Variants in HIRA observed in about 807,000 individuals in gnomAD.
HIRA encodes protein HIRA.
HIRA carries 13 observed loss-of-function variants against 126.6 expected under a neutral mutation model. That is an observed-to-expected ratio of 0.10 (90% CI 0.07 to 0.16). HIRA has a LOEUF of 0.16. Among genes scored for constraint, HIRA ranks in the 10% least tolerant of loss-of-function variants. HIRA has a pLI of 1.00. For missense variants in HIRA, 834 were observed against 1,314.4 expected, an observed-to-expected ratio of 0.63 and a Z score of 5.65; for synonymous variants, 511 against 520.0, an observed-to-expected ratio of 0.98 and a Z score of 0.24.
intron 24 of HIRA, among the ~76,000 whole-genome samples, chr22:19,348,922 A>G (rs113339976): frequency 0.01 from 1,521 of 151,566 alleles, 38 homozygotes; most frequent in African/African-American, 0.035. Context: ...AGTAGCTGGG[A>G]TTACAGGCAC....
chr22:19,371,385 G>A (rs2088963133), intron 15 of HIRA, among the ~76,000 whole-genome samples: 2 of 151,882 alleles, frequency 1.3e-5, no homozygotes, highest in Admixed American at 1.3e-4. Context: ...AAACTGCAAT[G>A]ATTATTATTT....
intron 9 of HIRA, among the ~76,000 whole-genome samples, chr22:19,390,996 A>G (rs1387202421): frequency 1.3e-5 from 2 of 151,758 alleles, no homozygotes; most frequent in African/African-American, 4.9e-5. Context: ...ACTCATAGGT[A>G]TGTACTCATA....
intron 24 of HIRA, among the ~76,000 whole-genome samples, chr22:19,342,279 C>G (rs2088638403): frequency 6.6e-6 from 1 of 151,940 alleles, no homozygotes; most frequent in Non-Finnish European, 1.5e-5. Flanking sequence ...GCAAGAATGG[C>G]CATAATTAAA....
At chr22:19,385,024 T>TAGAA (rs2089113217) in intron 12 of HIRA, among the ~76,000 whole-genome samples, 1 of 151,684 alleles carries the variant, frequency 6.6e-6, no homozygotes, top group South Asian at 2.1e-4. Flanking sequence ...TAACTAGGGG[T>TAGAA]TTTCTCTCAT....
intron 24 of HIRA, among the ~76,000 whole-genome samples, chr22:19,332,635 A>C (rs78014758): frequency 2.6e-5 from 4 of 151,806 alleles, no homozygotes; most frequent in Non-Finnish European, 4.4e-5. Context: ...AAAAAAAAAA[A>C]CCAACACAAA....
chr22:19,372,405 T>G (rs2088974641), intron 15 of HIRA, among the ~76,000 whole-genome samples: 1 of 152,236 alleles, frequency 6.6e-6, no homozygotes, highest in Non-Finnish European at 1.5e-5. Flanking sequence ...TCAGATCTTT[T>G]GCTCATTTTT....
rs148129459 is a variant in HIRA, at chr22:19,347,528, T to A, written c.2937+3830A>T. 7.8e-3 allele frequency among the ~76,000 whole-genome samples: 1,189 copies of A among 152,304 alleles called. 14 individuals are homozygous for A. Among genetic ancestry groups the A allele is most frequent in the African/African-American group, 0.025 (1,027 of 41,564 alleles). ...ATAGCAGCAAACTTCTGAGAGCTAA[T>A]GTGTTAATGATAAATGACTGAGCCA... On this transcript the variant is annotated intron_variant, in intron 24 of 24. Transcript: ENST00000263208.
chr22:19,422,717 G>A (rs551698106), intron 1 of HIRA, among the ~76,000 whole-genome samples: 2 of 152,200 alleles, frequency 1.3e-5, no homozygotes, highest in South Asian at 2.1e-4. Flanking sequence ...GGCCTGCAGC[G>A]AATGCTGTGG....
At chr22:19,419,228 G>T (rs1025145336) in intron 1 of HIRA, among the ~76,000 whole-genome samples, 4 of 152,126 alleles carry the variant, frequency 2.6e-5, no homozygotes, top group Non-Finnish European at 5.9e-5. Context: ...CAAGAAACCT[G>T]CTCTACCCAC....
rs2088478222 is a variant in HIRA at position 19,331,010 on chromosome 22, C to G, written c.*430G>C. 2.2e-6 allele frequency: 1 copy of G among 460,598 alleles called. No homozygotes were observed. The highest frequency in any genetic ancestry group is 3.3e-6 in the Non-Finnish European group (1 of 304,124). 28.5% of individuals were successfully genotyped at this position (460,598 alleles called of 1,614,324 possible). On this transcript the variant is annotated 3_prime_UTR_variant, in exon 25 of 25. Coordinates refer to ENST00000263208, the MANE Select transcript of HIRA (RefSeq NM_003325.4). ...GTGTGTTGGAACAGCTTTCCTTTTA[C>G]ATAGGTCTTAGGTCAGTCTGCTGTA...
intron 21 of HIRA, 36 bp downstream of exon 21, chr22:19,355,724 C>G (rs782055334): frequency 1.2e-5 from 17 of 1,465,326 alleles, no homozygotes; most frequent in Non-Finnish European, 1.6e-5. Context: ...GACAGACACT[C>G]TTCCAGGGAA....
intron 1 of HIRA, among the ~76,000 whole-genome samples, chr22:19,426,318 A>G (rs2089488024): frequency 6.6e-6 from 1 of 152,308 alleles, no homozygotes; most frequent in Non-Finnish European, 1.5e-5. Context: ...AGCTGCTGGC[A>G]AGGCTCTGCC....
At position 19,392,137 on chromosome 22, in the gene HIRA, A is replaced by G. The variant is rs780352548; in HGVS notation, c.900T>C (p.Cys300=). The change falls in exon 9 of 25, where the codon TGT becomes TGC. Residue 300 remains cysteine, a synonymous_variant. Transcript: ENST00000263208. ...GCGAGCGGTCCTTGCTGCCAACAGC[A>G]CAGCAGCAGTACGGGCAGCTAGGCT... ...SAKPSCPYCC[C]AVGSKDRSLS... 6.2e-7 allele frequency: 1 copy of G among 1,605,492 alleles called. No homozygotes were observed. The highest frequency in any genetic ancestry group is 1.1e-5 in the South Asian group (1 of 90,688).
At position 19,361,747 on chromosome 22, in the gene HIRA, G is replaced by T; in HGVS notation, c.1960C>A (p.Pro654Thr). 6.2e-7 allele frequency: 1 copy of T among 1,612,530 alleles called. No homozygotes were observed. The highest frequency in any genetic ancestry group is 8.5e-7 in the Non-Finnish European group (1 of 1,180,024). ...CTCACCTGGACAGACAGAGACACAGGCATGAGACGAGAGTCCTTCCGAGGC... is the reference window on the plus strand; with the variant it reads ...CTCACCTGGACAGACAGAGACACAGTCATGAGACGAGAGTCCTTCCGAGGC... ...GRPRKDSRLM[P>T]VSLSVQSPAA... is the part of the protein sequence containing the mutation. Residue 654 changes from proline (P) to threonine (T), a missense_variant, in exon 16 of 25, where the codon CCT (proline) becomes ACT (threonine). Pro to Thr is a conservative substitution (Grantham distance 38). This residue lies in a region of HIRA where 468 missense variants were observed against 574.2 expected (regional missense o/e 0.82). Coordinates refer to ENST00000263208, the MANE Select transcript of HIRA (RefSeq NM_003325.4).
chr22:19,334,567 A>G (rs986180261), intron 24 of HIRA, among the ~76,000 whole-genome samples: 4 of 151,204 alleles, frequency 2.6e-5, no homozygotes, highest in East Asian at 2.1e-4. Flanking sequence ...CGGCTGGATC[A>G]CTTGAGGTCA....
chr22:19,364,903 T>G (rs767300879), intron 15 of HIRA, among the ~76,000 whole-genome samples: 8 of 152,170 alleles, frequency 5.3e-5, no homozygotes, highest in Non-Finnish European at 1.2e-4. Context: ...GTGAATGCAA[T>G]GGAAAAGCTC....
chr22:19,336,014 A>G (rs2088563756), intron 24 of HIRA, among the ~76,000 whole-genome samples: 1 of 152,204 alleles, frequency 6.6e-6, no homozygotes, highest in African/African-American at 2.4e-5. Context: ...TTCTTAGCAT[A>G]TAGGCTATGT....
At chr22:19,350,193 T>C (rs2088740222) in intron 24 of HIRA, among the ~76,000 whole-genome samples, 1 of 152,140 alleles carries the variant, frequency 6.6e-6, no homozygotes, top group South Asian at 2.1e-4. Flanking sequence ...CAGATACCTC[T>C]TCTCATTTGC....
At chr22:19,400,376 T>C (rs143130205) in intron 5 of HIRA, among the ~76,000 whole-genome samples, 10 of 152,342 alleles carry the variant, frequency 6.6e-5, no homozygotes, top group African/African-American at 2.4e-4. Context: ...CTATGCTCCA[T>C]GTGAGGAAGA....
Sources: allele counts gnomAD v4.1 joint callset (sites outside exome capture counted in the v4.1 genomes callset), GRCh38; gene constraint gnomAD v4.1.1; regional missense constraint gnomAD v4.1.1; transcripts MANE v1.5; gene names NCBI Gene and HGNC (gene_info 2026-07-23, HGNC 2026-07-21).